CYREN: variants seen among roughly 807,000 people sequenced by gnomAD.
CYREN encodes the protein cell cycle regulator of NHEJ, also known as cell cycle regulator of non-homologous end joining.
In CYREN, 7 loss-of-function variants were observed where a neutral mutation model predicts 9.7. The ratio of observed to expected loss-of-function variants is 0.72; its 90% CI spans 0.41 to 1.36. The LOEUF (loss-of-function observed/expected upper bound fraction) is 1.36. CYREN is among the 40% of genes most tolerant of loss of function. The pLI is 0.01. For synonymous variants in CYREN, 76 were observed against 77.9 expected, an observed-to-expected ratio of 0.98 and a Z score of 0.13; for missense variants, 215 against 198.1, an observed-to-expected ratio of 1.09 and a Z score of -0.51.
At chr7:135,164,466 C>G (rs774240687), downstream of CYREN, 1 of 1,599,474 alleles carries the variant, frequency 6.3e-7, no homozygotes, top group Non-Finnish European at 8.6e-7. Context: ...GCCTCGGTGG[C>G]GCGACCAGCT....
At chr7:135,161,546 A>G (rs1045337672), downstream of CYREN, among the ~76,000 whole-genome samples, 2 of 152,234 alleles carry the variant, frequency 1.3e-5, no homozygotes, top group Non-Finnish European at 2.9e-5. This position sits in a 1 kb window ranked among gnomAD's most constrained non-coding sequence, Gnocchi z 4.1. Context: ...AAGCACAGAT[A>G]TAGGCTTTTA....
intron 2 of CYREN, among the ~76,000 whole-genome samples, chr7:135,101,724 C>T (rs762356117): frequency 6.6e-6 from 1 of 152,068 alleles, no homozygotes; most frequent in Non-Finnish European, 1.5e-5. Context: ...TATTTCTATA[C>T]TGAAGTGCCC....
At chr7:135,111,544 C>A (rs559438382) in intron 2 of CYREN, among the ~76,000 whole-genome samples, 1 of 151,872 alleles carries the variant, frequency 6.6e-6, no homozygotes, top group African/African-American at 2.4e-5. Context: ...AGTAATAAAC[C>A]CAAGACTTAT....
At chr7:135,136,361 G>A (rs113342224) in intron 2 of CYREN, among the ~76,000 whole-genome samples, 7 of 152,146 alleles carry the variant, frequency 4.6e-5, no homozygotes, top group African/African-American at 9.6e-5. Flanking sequence ...TAACTATTAT[G>A]TTTTAAAGGA....
chr7:135,131,588 A>C (rs980943566), intron 2 of CYREN, among the ~76,000 whole-genome samples: 1 of 152,096 alleles, frequency 6.6e-6, no homozygotes, highest in African/African-American at 2.4e-5. Flanking sequence ...CTAACTGCAT[A>C]TGCTAAAAAA....
At chr7:135,118,905 T>C (rs985169319) in intron 2 of CYREN, among the ~76,000 whole-genome samples, 1 of 151,902 alleles carries the variant, frequency 6.6e-6, no homozygotes, top group Non-Finnish European at 1.5e-5. Flanking sequence ...AACAGTATAA[T>C]TGTACAAATA....
intron 2 of CYREN, chr7:135,129,114 GTGGAA>G (rs1440582761): frequency 1.3e-6 from 2 of 1,557,052 alleles, no homozygotes; most frequent in Non-Finnish European, 1.8e-6. Flanking sequence ...CAAAGAGCTA[GTGGAA>G]GCAGAGTTAT....
chr7:135,171,863 C>T (rs942359049), upstream of CYREN, among the ~76,000 whole-genome samples: 1 of 152,218 alleles, frequency 6.6e-6, no homozygotes, highest in South Asian at 2.1e-4. Flanking sequence ...GAAATGGCCC[C>T]GGTGGAATGC....
At chr7:135,153,234 T>C (rs190944945) in intron 2 of CYREN, 33 of 152,236 alleles carry the variant, frequency 2.2e-4, no homozygotes, top group Admixed American at 1.8e-3. Context: ...GGTGGGCAGA[T>C]CACGAGATCA....
chr7:135,112,836 G>T (rs1321873203), intron 2 of CYREN, among the ~76,000 whole-genome samples: 1 of 152,188 alleles, frequency 6.6e-6, no homozygotes, highest in Non-Finnish European at 1.5e-5. Flanking sequence ...GGAGTGCAGT[G>T]ATGCGATCTT....
At chr7:135,128,394 T>C (rs1828253618) in intron 2 of CYREN, 3 of 568,698 alleles carry the variant, frequency 5.3e-6, no homozygotes, top group East Asian at 3.3e-5. Flanking sequence ...GTGAGGATGA[T>C]CAGAGATCAC....
intron 2 of CYREN, among the ~76,000 whole-genome samples, chr7:135,109,055 A>G (rs923765647): frequency 3.3e-5 from 5 of 151,964 alleles, no homozygotes; most frequent in Non-Finnish European, 7.4e-5. Flanking sequence ...GTTCTTTTTT[A>G]TACTGCCTAT....
intron 2 of CYREN, among the ~76,000 whole-genome samples, chr7:135,148,513 T>A (rs1182784749): frequency 6.6e-6 from 1 of 152,200 alleles, no homozygotes; most frequent in African/African-American, 2.4e-5. Flanking sequence ...GCCTCAAAGA[T>A]GATGAAAGTA....
chr7:135,129,159 T>C, intron 2 of CYREN: 1 of 1,470,530 alleles, frequency 6.8e-7, no homozygotes, highest in South Asian at 1.1e-5. Context: ...TCTCCTCCAG[T>C]CCACCTTGGA....
intron 2 of CYREN, among the ~76,000 whole-genome samples, chr7:135,150,925 A>G (rs750432689): frequency 6.6e-6 from 1 of 152,190 alleles, no homozygotes; most frequent in Non-Finnish European, 1.5e-5. Flanking sequence ...TTCTCCCTCT[A>G]AACTTTTTGT....
chr7:135,170,200 T>G (rs1288208938), intron 1 of CYREN: 1 of 152,270 alleles, frequency 6.6e-6, no homozygotes, highest in East Asian at 1.9e-4. Context: ...CTCCCCGCCC[T>G]ACTTCTGGGC....
chr7:135,094,452 T>A (rs1360161849), exon 3 of CYREN: 3 of 456,602 alleles, frequency 6.6e-6, no homozygotes, highest in Non-Finnish European at 1.3e-5. Context: ...TGCCAGAGGC[T>A]GAGTGCGCAC....
chr7:135,116,473 G>A (rs1826326538), intron 2 of CYREN, among the ~76,000 whole-genome samples: 1 of 152,200 alleles, frequency 6.6e-6, no homozygotes, highest in South Asian at 2.1e-4. Context: ...CTGTGCAGTA[G>A]TAAAAACCCT....
chr7:135,163,884 A>G (rs2075115459), downstream of CYREN, among the ~76,000 whole-genome samples: 1 of 152,154 alleles, frequency 6.6e-6, no homozygotes, highest in Non-Finnish European at 1.5e-5. Context: ...TCAGAAACAC[A>G]CCAGTGCCCA....
Sources: gnomAD v4.1 joint callset for allele counts (sites outside exome capture counted in the v4.1 genomes callset) on GRCh38, gnomAD v4.1.1 for gene constraint, Gnocchi (gnomAD v3.1) non-coding constraint, MANE v1.5 for transcripts, NCBI Gene and HGNC (gene_info 2026-07-23, HGNC 2026-07-21) for gene names.